NRXN1: variants seen among roughly 807,000 people sequenced by gnomAD.
The protein encoded by NRXN1 is neurexin 1.
Under a neutral mutation model 150.9 loss-of-function variants are expected in NRXN1, and 39 were observed. The ratio of observed to expected loss-of-function variants is 0.26; its 90% CI spans 0.20 to 0.34. NRXN1 has a LOEUF of 0.34. NRXN1 is among the 10% of genes least tolerant of loss of function. NRXN1 has a pLI of 1.00. For missense variants in NRXN1, 1,815 were observed against 1,949.9 expected (o/e 0.93, Z 1.30); for synonymous variants, 924 against 757.0 (o/e 1.22, Z -3.62).
At chr2:50,560,467 G>A (rs1353707993) in intron 8 of NRXN1, among the ~76,000 whole-genome samples, 6 of 93,410 alleles carry the variant, frequency 6.4e-5, no homozygotes, top group African/African-American at 1.5e-4. Flanking sequence ...CTTAGAAGCC[G>A]TCTCACTCCG....
chr2:50,919,032 T>G (rs1360644362), intron 5 of NRXN1: 1 of 151,766 alleles, frequency 6.6e-6, no homozygotes, highest in African/African-American at 2.4e-5. Context: ...AAAACACAAG[T>G]AACAGACTGA....
intron 8 of NRXN1, among the ~76,000 whole-genome samples, chr2:50,605,455 A>T (rs943620321): frequency 6.6e-6 from 1 of 152,146 alleles, no homozygotes; most frequent in Non-Finnish European, 1.5e-5. Context: ...CAATAACCCA[A>T]TTAAAAATGG....
At chr2:50,672,972 A>T (rs1041097132) in intron 5 of NRXN1, among the ~76,000 whole-genome samples, 1 of 152,060 alleles carries the variant, frequency 6.6e-6, no homozygotes, top group Non-Finnish European at 1.5e-5. Flanking sequence ...ATTTTGTTCT[A>T]GCTTACTAAA....
intron 2 of NRXN1, among the ~76,000 whole-genome samples, chr2:50,946,541 C>A (rs2104542194): frequency 6.6e-6 from 1 of 152,232 alleles, no homozygotes; most frequent in South Asian, 2.1e-4. Context: ...TGTGAGAAAA[C>A]TGCCCTACTA....
At chr2:50,285,876 A>G (rs1047605242) in intron 17 of NRXN1, among the ~76,000 whole-genome samples, 3 of 151,950 alleles carry the variant, frequency 2.0e-5, no homozygotes, top group Non-Finnish European at 2.9e-5. Context: ...AACAAAAAAA[A>G]AACTTGAAAA....
At chr2:50,350,083 T>G (rs1488518408) in intron 17 of NRXN1, among the ~76,000 whole-genome samples, 1 of 152,172 alleles carries the variant, frequency 6.6e-6, no homozygotes, top group Non-Finnish European at 1.5e-5. Context: ...ATTGCTCCCA[T>G]GGGGAAATAC....
chr2:49,997,184 A>C (rs1683141734), intron 21 of NRXN1, among the ~76,000 whole-genome samples: 3 of 152,148 alleles, frequency 2.0e-5, no homozygotes, highest in Non-Finnish European at 4.4e-5. Flanking sequence ...ATGGAAATTC[A>C]TGCCTCCTGC....
intron 18 of NRXN1, among the ~76,000 whole-genome samples, chr2:50,196,935 A>C (rs1297973381): frequency 6.6e-6 from 1 of 152,174 alleles, no homozygotes; most frequent in Non-Finnish European, 1.5e-5. Flanking sequence ...GAAGGAGTGG[A>C]GAAAAAAGAC....
chr2:50,755,848 C>A (rs1359165750), intron 5 of NRXN1, among the ~76,000 whole-genome samples: 1 of 151,786 alleles, frequency 6.6e-6, no homozygotes, highest in African/African-American at 2.4e-5. Flanking sequence ...AAAATGAAGA[C>A]CAATCCTGAA....
At chr2:50,672,962 A>G (rs1355099119) in intron 5 of NRXN1, among the ~76,000 whole-genome samples, 1 of 152,052 alleles carries the variant, frequency 6.6e-6, no homozygotes, top group Non-Finnish European at 1.5e-5. Context: ...TTCAACCATC[A>G]TTTTGTTCTA....
At chr2:50,553,421 G>A (rs1408252441) in intron 8 of NRXN1, among the ~76,000 whole-genome samples, 1 of 152,070 alleles carries the variant, frequency 6.6e-6, no homozygotes, top group Non-Finnish European at 1.5e-5. Context: ...TAAGCACTGA[G>A]GTTATTCAGT....
intron 5 of NRXN1, among the ~76,000 whole-genome samples, chr2:50,710,413 C>CGTGT (rs1482572961): frequency 1.3e-5 from 2 of 152,188 alleles, no homozygotes; most frequent in African/African-American, 2.4e-5. Context: ...CCTAACAACA[C>CGTGT]ACATACCCAC....
At chr2:49,950,689 T>G (rs756467241) in intron 21 of NRXN1, among the ~76,000 whole-genome samples, 1 of 151,964 alleles carries the variant, frequency 6.6e-6, no homozygotes, top group Non-Finnish European at 1.5e-5. Context: ...ATTACTTCAT[T>G]TACAATTCAC....
chr2:50,428,601 C>G (rs2084691814), intron 17 of NRXN1, among the ~76,000 whole-genome samples: 1 of 152,052 alleles, frequency 6.6e-6, no homozygotes, highest in Non-Finnish European at 1.5e-5. Flanking sequence ...GAAGACATAC[C>G]TTATGATTAG....
In NRXN1 at chr2:50,021,906, A is replaced by G. The variant is rs528463693; in HGVS notation, c.4128+31365T>C. Among the ~76,000 whole-genome samples the G allele has an allele frequency of 1.6e-4, 24 of 152,330 alleles. No homozygotes were observed. In the East Asian group the frequency reaches 4.6e-3, roughly 29 times the overall value. ...CGTTCTGTAACCCACACTGGACTGC[A>G]GTGGCACGATCTCGGCTCACTGCAA... On this transcript the variant is annotated intron_variant, in intron 21 of 22. Transcript: ENST00000401669.
At chr2:50,948,720 C>G (rs1371218311) in intron 2 of NRXN1, among the ~76,000 whole-genome samples, 1 of 152,012 alleles carries the variant, frequency 6.6e-6, no homozygotes, top group African/African-American at 2.4e-5. Flanking sequence ...AGGCAAATGT[C>G]TCTTTCAGGC....
intron 5 of NRXN1, among the ~76,000 whole-genome samples, chr2:50,754,284 A>G (rs1443445092): frequency 1.3e-5 from 2 of 151,864 alleles, no homozygotes; most frequent in East Asian, 1.9e-4. Context: ...TTCATGATAC[A>G]TATACACACA....
chr2:50,532,738 T>C (rs1245679272), intron 10 of NRXN1, among the ~76,000 whole-genome samples: 3 of 152,094 alleles, frequency 2.0e-5, no homozygotes, highest in African/African-American at 4.8e-5. Flanking sequence ...TGCTTAGTAC[T>C]GTCTTAAACA....
At chr2:50,131,980 G>T (rs1156841214) in intron 18 of NRXN1, among the ~76,000 whole-genome samples, 1 of 152,186 alleles carries the variant, frequency 6.6e-6, no homozygotes, top group African/African-American at 2.4e-5. Flanking sequence ...GTGTGCGTGT[G>T]TATGTGTGTG....
Sources: allele counts gnomAD v4.1 joint callset (sites outside exome capture counted in the v4.1 genomes callset), GRCh38; gene constraint gnomAD v4.1.1; transcripts MANE v1.5; gene names NCBI Gene and HGNC (gene_info 2026-07-23, HGNC 2026-07-21).